LSAMP: variants seen among roughly 807,000 people sequenced by gnomAD.
LSAMP encodes the protein limbic system associated membrane protein.
LSAMP carries 7 observed loss-of-function variants against 38.6 expected under a neutral mutation model. The observed-to-expected ratio is 0.18, with a 90% CI of 0.10 to 0.34. The LOEUF (loss-of-function observed/expected upper bound fraction) is 0.34, where lower values mean the gene tolerates loss of function less well. Among genes scored for constraint, LSAMP ranks in the 10% least tolerant of loss-of-function variants. The pLI is 1.00. For missense variants in LSAMP, 313 were observed against 420.0 expected, an observed-to-expected ratio of 0.75 and a Z score of 2.23; for synonymous variants, 154 against 166.8, an observed-to-expected ratio of 0.92 and a Z score of 0.59.
intron 1 of LSAMP, among the ~76,000 whole-genome samples, chr3:116,266,063 A>C (rs1170791137): frequency 6.6e-6 from 1 of 151,946 alleles, no homozygotes; most frequent in Non-Finnish European, 1.5e-5. Flanking sequence ...CCCCTTGAGA[A>C]TTTGCTGACT....
rs1933685599 is a variant in LSAMP, at chr3:115,808,148, C to CCCCCCCT, written c.*2162_*2168dup. ...TCCCTCCCTCCCTCCCTCCCTCCCT[C>CCCCCCCT]CCCCCCTTCCCCGTCCCCCCCTCCC... is the stretch of plus-strand genomic sequence containing the variant. On this transcript the variant is annotated 3_prime_UTR_variant, in exon 7 of 7. Transcript: ENST00000490035. 1.2e-5 allele frequency: 1 copy of CCCCCCCT among 81,640 alleles called. No homozygotes were observed. Among genetic ancestry groups the CCCCCCCT allele is most frequent in the African/African-American group, 5.0e-5 (1 of 19,926 alleles). 5.1% of individuals were successfully genotyped at this position (81,640 alleles called of 1,614,324 possible).
chr3:116,046,596 C>G (rs1360322949), intron 2 of LSAMP, among the ~76,000 whole-genome samples: 1 of 152,164 alleles, frequency 6.6e-6, no homozygotes, highest in Non-Finnish European at 1.5e-5. Context: ...GAGGCTGGAG[C>G]AGACGGAGGA....
At chr3:116,223,931 T>G (rs1280450658) in intron 1 of LSAMP, among the ~76,000 whole-genome samples, 2 of 152,202 alleles carry the variant, frequency 1.3e-5, no homozygotes, top group Non-Finnish European at 2.9e-5. Context: ...TCCAGGGGAA[T>G]ATTTTAAAGT....
chr3:115,850,189 A>T (rs1239991911), intron 4 of LSAMP, among the ~76,000 whole-genome samples: 2 of 152,208 alleles, frequency 1.3e-5, no homozygotes, highest in African/African-American at 2.4e-5. Flanking sequence ...TCTGCTTTAA[A>T]TTACACTTTG....
Position 115,810,385 on chromosome 3 carries a change from A to T in LSAMP, c.949T>A (p.Ser317Thr). The T allele has an allele frequency of 6.2e-7, 1 of 1,613,686 alleles. No homozygotes were observed. Among genetic ancestry groups the T allele is most frequent in the South Asian group, 1.1e-5 (1 of 91,026 alleles). ...RPGSVRGING[S>T]ISLAVPLWLL... Reference sequence around the variant, plus strand: ...CACAGTGGTACGGCCAGACTGATGGATCCATTTATTCCTCTCACCGACCCA... The same window carrying T: ...CACAGTGGTACGGCCAGACTGATGGTTCCATTTATTCCTCTCACCGACCCA... Residue 317 changes from serine to threonine, a missense_variant, in exon 7 of 7, where the codon TCC (serine) becomes ACC (threonine). Transcript: ENST00000490035.
chr3:116,168,133 T>C (rs1412623885), intron 1 of LSAMP, among the ~76,000 whole-genome samples: 1 of 152,226 alleles, frequency 6.6e-6, no homozygotes, highest in Non-Finnish European at 1.5e-5. Context: ...GTTATTCAAA[T>C]TGTTCCTTTT....
chr3:116,415,311 G>T (rs961453106), intron 1 of LSAMP, among the ~76,000 whole-genome samples: 17 of 151,990 alleles, frequency 1.1e-4, no homozygotes, highest in Non-Finnish European at 2.9e-5. Context: ...TCATAGACTT[G>T]TTCAAAAAAA....
At chr3:116,173,929 T>C (rs1354120891) in intron 1 of LSAMP, among the ~76,000 whole-genome samples, 1 of 151,940 alleles carries the variant, frequency 6.6e-6, no homozygotes, top group Non-Finnish European at 1.5e-5. Flanking sequence ...TTTGAAAAAG[T>C]ATCCAGCACT....
At chr3:116,330,415 C>T (rs1038179230) in intron 1 of LSAMP, among the ~76,000 whole-genome samples, 17 of 151,990 alleles carry the variant, frequency 1.1e-4, no homozygotes, top group South Asian at 2.1e-4. Context: ...GTCTGATCTC[C>T]GATTAATTCT....
intron 3 of LSAMP, among the ~76,000 whole-genome samples, chr3:115,922,551 T>A (rs1466225687): frequency 6.6e-6 from 1 of 152,228 alleles, no homozygotes; most frequent in African/African-American, 2.4e-5. Context: ...CTTCCATTTT[T>A]AAATTATTAA....
intron 3 of LSAMP, among the ~76,000 whole-genome samples, chr3:115,993,946 A>G (rs1939744775): frequency 6.6e-6 from 1 of 152,140 alleles, no homozygotes; most frequent in South Asian, 2.1e-4. Flanking sequence ...GATGTCTTCT[A>G]GGTTTGAACT....
At chr3:116,333,679 G>A (rs2047882815) in intron 1 of LSAMP, among the ~76,000 whole-genome samples, 1 of 151,798 alleles carries the variant, frequency 6.6e-6, no homozygotes, top group Non-Finnish European at 1.5e-5. Context: ...AATAGATTGA[G>A]GAAGAAATCA....
rs140512241 is a variant in LSAMP at position 115,895,831 on chromosome 3, T to A, written c.515-43214A>T. Among the ~76,000 whole-genome samples, 69 of 152,240 alleles carry A rather than the reference T, an allele frequency of 4.5e-4. 1 individual carries two copies. The highest frequency in any genetic ancestry group is 3.9e-4 in the Admixed American group (6 of 15,278). ...ATTGTTGAGGGGTTACCTCTTTAAGTAGTAAAACATTTTACATTCTAACTT... is the reference window on the plus strand; with the variant it reads ...ATTGTTGAGGGGTTACCTCTTTAAGAAGTAAAACATTTTACATTCTAACTT... On this transcript the variant is annotated intron_variant, in intron 3 of 6. Coordinates refer to ENST00000490035, the MANE Select transcript of LSAMP (RefSeq NM_002338.5).
At chr3:115,946,746 A>G (rs1212570186) in intron 3 of LSAMP, among the ~76,000 whole-genome samples, 1 of 140,666 alleles carries the variant, frequency 7.1e-6, no homozygotes, top group Non-Finnish European at 1.6e-5. Context: ...CAGAGAATAC[A>G]AAAAAAAAGG....
intron 1 of LSAMP, among the ~76,000 whole-genome samples, chr3:116,239,808 G>A (rs1338757091): frequency 6.6e-6 from 1 of 152,206 alleles, no homozygotes; most frequent in East Asian, 1.9e-4. Flanking sequence ...AAAACTCTTA[G>A]TATACCTTCT....
intron 1 of LSAMP, among the ~76,000 whole-genome samples, chr3:116,290,270 T>C (rs140907274): frequency 6.6e-6 from 1 of 152,302 alleles, no homozygotes; most frequent in Non-Finnish European, 1.5e-5. Flanking sequence ...TCTTTCAATG[T>C]CATGTCCCTG....
chr3:115,844,252 C>A (rs189521133), intron 4 of LSAMP, among the ~76,000 whole-genome samples: 1 of 151,538 alleles, frequency 6.6e-6, no homozygotes, highest in African/African-American at 2.4e-5. Context: ...TAATTTAACT[C>A]TTAAATTGCT....
intron 3 of LSAMP, among the ~76,000 whole-genome samples, chr3:115,982,193 G>A (rs1939380162): frequency 6.6e-6 from 1 of 152,184 alleles, no homozygotes; most frequent in Non-Finnish European, 1.5e-5. Context: ...GGTTATTGAT[G>A]AATGAGAATA....
chr3:116,356,825 GCTCT>G (rs2048229050), intron 1 of LSAMP, among the ~76,000 whole-genome samples: 1 of 151,742 alleles, frequency 6.6e-6, no homozygotes, highest in Admixed American at 6.6e-5. Flanking sequence ...ACGGAGTCTC[GCTCT>G]GTGGCCCAGG....
Sources: gnomAD v4.1 joint callset for allele counts (sites outside exome capture counted in the v4.1 genomes callset) on GRCh38, gnomAD v4.1.1 for gene constraint, MANE v1.5 for transcripts, NCBI Gene and HGNC (gene_info 2026-07-23, HGNC 2026-07-21) for gene names.